CACNB2: variants seen among roughly 807,000 people sequenced by gnomAD.
CACNB2 encodes the protein voltage-dependent L-type calcium channel subunit beta-2.
Under a neutral mutation model 73.3 loss-of-function variants are expected in CACNB2, and 42 were observed. The observed-to-expected ratio is 0.57, with a 90% CI of 0.45 to 0.74. The LOEUF (loss-of-function observed/expected upper bound fraction) is 0.74. Ranked by LOEUF, CACNB2 falls within the 30% of genes least tolerant of loss-of-function variation. CACNB2 has a pLI of 0.00. For missense variants in CACNB2, 940 were observed against 853.0 expected (o/e 1.10, Z -1.27); for synonymous variants, 348 against 310.3 (o/e 1.12, Z -1.28).
chr10:18,253,587 T>A (rs985085353), intron 2 of CACNB2, among the ~76,000 whole-genome samples: 1 of 152,204 alleles, frequency 6.6e-6, no homozygotes, highest in African/African-American at 2.4e-5. Context: ...ATTTTCTTTC[T>A]TATATACATG....
At chr10:18,154,159 G>C (rs1172677450) in intron 2 of CACNB2, among the ~76,000 whole-genome samples, 1 of 151,624 alleles carries the variant, frequency 6.6e-6, no homozygotes, top group Non-Finnish European at 1.5e-5. Flanking sequence ...TATATGATTT[G>C]AAAGAAATTT....
chr10:18,213,339 ATT>A (rs911632235), intron 2 of CACNB2, among the ~76,000 whole-genome samples: 1 of 152,114 alleles, frequency 6.6e-6, no homozygotes, highest in Non-Finnish European at 1.5e-5. Flanking sequence ...CATGCCTTTG[ATT>A]TTTAAGAGTA....
chr10:18,493,431 G>A (rs190854235), intron 3 of CACNB2, among the ~76,000 whole-genome samples: 15 of 152,240 alleles, frequency 9.9e-5, no homozygotes, highest in African/African-American at 3.6e-4. Context: ...CTCCCAAAGT[G>A]CTGGCATTAC....
chr10:18,441,953 T>C (rs941129873), intron 3 of CACNB2, among the ~76,000 whole-genome samples: 4 of 152,236 alleles, frequency 2.6e-5, no homozygotes, highest in Non-Finnish European at 4.4e-5. Context: ...ATGTGTGTTG[T>C]ATACATATAC....
chr10:18,511,648 A>G (rs1033520372), intron 6 of CACNB2, among the ~76,000 whole-genome samples: 1 of 151,942 alleles, frequency 6.6e-6, no homozygotes, highest in South Asian at 2.1e-4. Context: ...CAGTGAGTAA[A>G]TTTTTTTTCT....
chr10:18,510,452 G>A (rs2050705050), intron 6 of CACNB2, among the ~76,000 whole-genome samples: 1 of 152,042 alleles, frequency 6.6e-6, no homozygotes, highest in South Asian at 2.1e-4. Flanking sequence ...ACAGGCACCG[G>A]CCACCACACC....
chr10:18,221,368 A>T (rs1322685461), intron 2 of CACNB2, among the ~76,000 whole-genome samples: 1 of 152,146 alleles, frequency 6.6e-6, no homozygotes, highest in Admixed American at 6.5e-5. Context: ...AATTCATTAC[A>T]TAGTTCACAA....
chr10:18,451,806 C>A (rs563131913), intron 3 of CACNB2, among the ~76,000 whole-genome samples: 33 of 152,276 alleles, frequency 2.2e-4, no homozygotes, highest in African/African-American at 7.7e-4. Context: ...GTTTTCATTG[C>A]ATTTAACTTT....
At chr10:18,263,955 C>G (rs1588883271) in intron 2 of CACNB2, among the ~76,000 whole-genome samples, 1 of 152,354 alleles carries the variant, frequency 6.6e-6, no homozygotes, top group Non-Finnish European at 1.5e-5. Flanking sequence ...TTTTAGAACT[C>G]AGCTTCGCAG....
chr10:18,534,050 T>C lies in CACNB2; in HGVS notation c.1055-26T>C, dbSNP rs756051088. On this transcript the variant is annotated intron_variant, in intron 10 of 13. Coordinates refer to ENST00000324631, the MANE Select transcript of CACNB2 (RefSeq NM_201596.3). The stretch of plus-strand genomic sequence containing the variant: ...ACTTTATCTTAAAAATACTGCACTT[T>C]AACTGAATTGTTTCGCCCTTTACAG... 8 of 1,613,492 alleles carry C rather than the reference T, an allele frequency of 5.0e-6. No individual in the cohort carries two copies. In the South Asian group the frequency reaches 8.8e-5, roughly 18 times the overall value.
At chr10:18,274,093 C>G (rs945092053) in intron 2 of CACNB2, among the ~76,000 whole-genome samples, 2 of 152,202 alleles carry the variant, frequency 1.3e-5, no homozygotes, top group Middle Eastern at 3.4e-3. Flanking sequence ...ATGGATGCTG[C>G]AGAAATAAGT....
intron 3 of CACNB2, among the ~76,000 whole-genome samples, chr10:18,474,061 T>C (rs2048321649): frequency 6.6e-6 from 1 of 152,208 alleles, no homozygotes; most frequent in Non-Finnish European, 1.5e-5. Context: ...TGATGGAACA[T>C]GATGTTTTGA....
chr10:18,507,422 A>T (rs1248682514), intron 6 of CACNB2, among the ~76,000 whole-genome samples: 1 of 152,238 alleles, frequency 6.6e-6, no homozygotes, highest in East Asian at 1.9e-4. Context: ...AAGCACACCT[A>T]CTTAAATTTG....
At position 18,165,583 on chromosome 10, in the gene CACNB2, T is replaced by G. The variant is rs141963766; in HGVS notation, c.213+14608T>G. On this transcript the variant is annotated intron_variant, in intron 2 of 13. Coordinates refer to ENST00000324631, the MANE Select transcript of CACNB2 (RefSeq NM_201596.3). ...GTATGTCACCATGCCCAGCTAATTT[T>G]TGTTTTCTAATAGAGACAGTGTCTC... Among the ~76,000 whole-genome samples, 367 of 152,318 alleles carry G rather than the reference T, an allele frequency of 2.4e-3. 1 individual carries two copies. The highest frequency in any genetic ancestry group is 8.4e-3 in the African/African-American group (351 of 41,568).
Position 18,542,652 on chromosome 10 carries a change from G to T in CACNB2, c.*2928G>T, listed in dbSNP as rs1474685811. On this transcript the variant is annotated 3_prime_UTR_variant, in exon 14 of 14. Transcript: ENST00000324631. ...TATTCCTCAAAGAACTAGCTTGAAGGATTTGACATAAGAGCCGCTATATGT... is the reference window on the plus strand; with the variant it reads ...TATTCCTCAAAGAACTAGCTTGAAGTATTTGACATAAGAGCCGCTATATGT... 1 of 152,116 alleles carries T rather than the reference G, an allele frequency of 6.6e-6. No individual in the cohort carries two copies. Among genetic ancestry groups the T allele is most frequent in the Non-Finnish European group, 1.5e-5 (1 of 68,022 alleles). The allele number at this position is 152,116 out of a possible 1,614,324, so 9.4% of individuals were successfully genotyped here.
chr10:18,537,576 A>G (rs1275251820), intron 12 of CACNB2, among the ~76,000 whole-genome samples: 1 of 151,962 alleles, frequency 6.6e-6, no homozygotes, highest in African/African-American at 2.4e-5. Context: ...CAGGAGTTCA[A>G]CACCAGCCTG....
At chr10:18,265,149 CTTTTTTTTTT>C (rs34442607) in intron 2 of CACNB2, among the ~76,000 whole-genome samples, 1 of 120,960 alleles carries the variant, frequency 8.3e-6, no homozygotes, top group African/African-American at 3.1e-5. Flanking sequence ...TGGCCATCTT[CTTTTTTTTTT>C]TTTTTTTTTG....
At chr10:18,514,920 A>T in intron 7 of CACNB2, 1 of 1,128,028 alleles carries the variant, frequency 8.9e-7, no homozygotes, top group Non-Finnish European at 1.3e-6. Flanking sequence ...CATAGCTTGT[A>T]CTAAAAAAAA....
At chr10:18,255,539 G>T (rs1274957065) in intron 2 of CACNB2, among the ~76,000 whole-genome samples, 1 of 152,182 alleles carries the variant, frequency 6.6e-6, no homozygotes, top group East Asian at 1.9e-4. Flanking sequence ...TTGAAGGCAA[G>T]GACATTGGTT....
Sources: gnomAD v4.1 joint callset for allele counts (sites outside exome capture counted in the v4.1 genomes callset) on GRCh38, gnomAD v4.1.1 for gene constraint, MANE v1.5 for transcripts, NCBI Gene and HGNC (gene_info 2026-07-23, HGNC 2026-07-21) for gene names.